The following HAVCR1 variants were observed in gnomAD, a reference collection of about 807,000 sequenced individuals.
HAVCR1 encodes the protein T cell immunoglobin domain and mucin domain protein 1.
A neutral mutation model predicts 32.0 loss-of-function variants in HAVCR1; 34 were observed. The observed-to-expected ratio is 1.06, with a 90% CI of 0.81 to 1.42. HAVCR1 has a LOEUF of 1.42. Ranked by LOEUF, HAVCR1 falls within the 40% of genes most tolerant of loss-of-function variation. HAVCR1 has a pLI of 0.00. For synonymous variants in HAVCR1, 178 were observed against 170.3 expected (o/e 1.05, Z -0.35); for missense variants, 420 against 442.3 (o/e 0.95, Z 0.45).
rs190477149 is a variant in HAVCR1, at chr5:157,049,664, C to T, written c.674-519G>A. The stretch of plus-strand genomic sequence containing the variant: ...GTTCAATTATCCACACATCTAATAA[C>T]TAACAGAGAATAGATACAATATTAA... On this transcript the variant is annotated intron_variant, in intron 4 of 8. Coordinates refer to ENST00000523175, the MANE Select transcript of HAVCR1 (RefSeq NM_001173393.3). 3.3e-4 allele frequency among the ~76,000 whole-genome samples: 51 copies of T among 152,300 alleles called. No individual in the cohort carries two copies. The East Asian group carries it at 9.4e-3, about 28-fold the overall frequency.
chr5:157,043,864 T>C (rs1755067123), intron 5 of HAVCR1, among the ~76,000 whole-genome samples: 1 of 152,234 alleles, frequency 6.6e-6, no homozygotes, highest in African/African-American at 2.4e-5. Flanking sequence ...CAAGAGCCTC[T>C]GCTGATAACC....
rs757901489 is a variant in HAVCR1 at position 157,052,416 on chromosome 5, T to C, written c.618A>G (p.Thr206=). The C allele has an allele frequency of 3.2e-5, 52 of 1,610,786 alleles. No individual in the cohort carries two copies. In the Admixed American group the frequency reaches 5.9e-4, roughly 18 times the overall value. ...IPTTTSVPVT[T]TVSTFVPPMP... is the part of the protein sequence containing the mutation. The stretch of plus-strand genomic sequence containing the variant: ...TTGGAGGAACAAAGGTAGAGACAGT[T>C]GTTGTCACTGGAACACTTGTTGTTG... Residue 206 remains threonine (T), a synonymous_variant, in exon 4 of 9, where the codon ACA becomes ACG. Coordinates refer to ENST00000523175, the MANE Select transcript of HAVCR1 (RefSeq NM_001173393.3).
rs1561590789 is a variant in HAVCR1, at chr5:157,044,579, GAAAGAAGGAAAGAAA to G, written c.782-1912_782-1898del. Among the ~76,000 whole-genome samples the G allele has an allele frequency of 2.1e-3, 155 of 73,768 alleles. 1 individual carries two copies. The highest frequency in any genetic ancestry group is 9.9e-3 in the African/African-American group (150 of 15,200). 48.4% of individuals were successfully genotyped at this position (73,768 alleles called of 152,430 possible). A position where few individuals can be genotyped will look rare whatever the true frequency, so the allele number is the denominator to read the frequency against. The stretch of plus-strand genomic sequence containing the variant: ...GGAAGGAGAGAGAAAGAAAGACAAA[GAAAGAAGGAAAGAAA>G]GAAAGAAAGAAAGAAAGAAAGAGAA... On this transcript the variant is annotated intron_variant, in intron 5 of 8. Coordinates refer to ENST00000523175, the MANE Select transcript of HAVCR1 (RefSeq NM_001173393.3).
At chr5:157,051,173 A>C (rs2113606464) in intron 4 of HAVCR1, among the ~76,000 whole-genome samples, 1 of 152,192 alleles carries the variant, frequency 6.6e-6, no homozygotes, top group East Asian at 1.9e-4. Context: ...GGGAATTTGA[A>C]GTATCAACTA....
intron 8 of HAVCR1, among the ~76,000 whole-genome samples, chr5:157,031,794 CAAAAAAAAAAA>C (rs57821791): frequency 9.4e-6 from 1 of 106,570 alleles, no homozygotes; most frequent in African/African-American, 3.7e-5. Context: ...CTGGGTGTCT[CAAAAAAAAAAA>C]AAAAAAAAAA....
chr5:157,049,192 G>A (rs758281198), intron 4 of HAVCR1, 47 bp from the exon 5 acceptor site: 1 of 1,141,950 alleles, frequency 8.8e-7, no homozygotes, highest in African/African-American at 1.5e-5. Flanking sequence ...GGAGGAAAAT[G>A]TGCACCCCAA....
intron 2 of HAVCR1, among the ~76,000 whole-genome samples, chr5:157,057,409 A>AAGAAAGAAAGAG (rs1756250733): frequency 1.7e-5 from 2 of 121,046 alleles, no homozygotes; most frequent in African/African-American, 5.8e-5. Flanking sequence ...GAAAGAAAGA[A>AAGAAAGAAAGAG]AGAAAGAAAG....
At chr5:157,049,272 C>T (rs1755604379) in intron 4 of HAVCR1, 127 bp from the exon 5 acceptor site, 1 of 693,428 alleles carries the variant, frequency 1.4e-6, no homozygotes, top group Non-Finnish European at 2.6e-6. Flanking sequence ...CCTGGCCTTC[C>T]ACAGTGGGCA....
chr5:157,036,167 AC>A (rs1779534804), intron 7 of HAVCR1, among the ~76,000 whole-genome samples: 1 of 152,014 alleles, frequency 6.6e-6, no homozygotes, highest in African/African-American at 2.4e-5. Flanking sequence ...ACATGGCAAA[AC>A]CCCGTCTCTA....
In HAVCR1 at chr5:157,055,482, G is replaced by A; in HGVS notation, c.98C>T (p.Thr33Ile). ...AGCTCCACTGTAGTGGCAGGGTAGT[G>A]TGACAGATGGACCTGCCTCTCCACC... The part of the protein sequence containing the change: ...KVGGEAGPSV[T>I]LPCHYSGAVT... Residue 33 changes from threonine to isoleucine, a missense_variant, in exon 3 of 9, where the codon ACA becomes ATA. Thr to Ile is a moderately conservative substitution (Grantham distance 89). Coordinates refer to ENST00000523175, the MANE Select transcript of HAVCR1 (RefSeq NM_001173393.3). 2 of 1,605,384 alleles carry A rather than the reference G, an allele frequency of 1.2e-6. No individual in the cohort carries two copies. The highest frequency in any genetic ancestry group is 8.5e-7 in the Non-Finnish European group (1 of 1,173,978).
intron 5 of HAVCR1, among the ~76,000 whole-genome samples, chr5:157,047,030 G>T (rs1399872344): frequency 6.6e-6 from 1 of 152,104 alleles, no homozygotes; most frequent in Non-Finnish European, 1.5e-5. Flanking sequence ...TCTGTGCATG[G>T]TTCCTGGCTC....
chr5:157,041,394 A>C (rs1402767373), intron 6 of HAVCR1, among the ~76,000 whole-genome samples: 1 of 152,062 alleles, frequency 6.6e-6, no homozygotes, highest in African/African-American at 2.4e-5. Flanking sequence ...GCTACTTGGA[A>C]GGCTGAGGCA....
At chr5:157,043,199 C>T (rs376417221) in intron 5 of HAVCR1, among the ~76,000 whole-genome samples, 6 of 152,098 alleles carry the variant, frequency 3.9e-5, no homozygotes, top group South Asian at 2.1e-4. Context: ...GTGTTGTTGC[C>T]GATGTGCTTA....
At chr5:157,068,103 C>A in the HAVCR1 span, among the ~76,000 whole-genome samples, 1 of 152,190 alleles carries the variant, frequency 6.6e-6, no homozygotes, top group East Asian at 1.9e-4. Context: ...GAAACCCCAA[C>A]TGTACTAAAA....
intron 5 of HAVCR1, among the ~76,000 whole-genome samples, chr5:157,042,924 T>C (rs1413525979): frequency 6.6e-6 from 1 of 152,218 alleles, no homozygotes; most frequent in Non-Finnish European, 1.5e-5. Context: ...TTTTTCTTTA[T>C]TAAAAAAATA....
rs1754617094 is a variant in HAVCR1 at position 157,037,657 on chromosome 5, A to G, written c.838-296T>C. 2.0e-5 allele frequency among the ~76,000 whole-genome samples: 3 copies of G among 152,210 alleles called. No individual in the cohort carries two copies. The South Asian group carries it at 6.2e-4, about 31-fold the overall frequency. ...AACTGTATGCTTAAAATGGGTTTGT[A>G]TGTAAATTTTTTAATTTACTGTTTT... On this transcript the variant is annotated intron_variant, in intron 6 of 8. Transcript: ENST00000523175.
intron 6 of HAVCR1, among the ~76,000 whole-genome samples, chr5:157,038,267 G>C (rs181067078): frequency 6.6e-6 from 1 of 152,264 alleles, no homozygotes; most frequent in Non-Finnish European, 1.5e-5. Context: ...TATCACAAGA[G>C]ATCATCACCT....
chr5:157,056,635 C>T (rs868712355), intron 2 of HAVCR1, among the ~76,000 whole-genome samples: 43 of 150,970 alleles, frequency 2.8e-4, no homozygotes, highest in African/African-American at 8.5e-4. Flanking sequence ...CCGCCTTGGC[C>T]TCCCAAAGTG....
At chr5:157,052,905 C>T (rs1405104793) in intron 3 of HAVCR1, among the ~76,000 whole-genome samples, 4 of 152,106 alleles carry the variant, frequency 2.6e-5, no homozygotes, top group Non-Finnish European at 5.9e-5. Context: ...GAACAGACGC[C>T]TCATATTTGC....
Sources: gnomAD v4.1 joint callset for allele counts (sites outside exome capture counted in the v4.1 genomes callset) on GRCh38, gnomAD v4.1.1 for gene constraint, MANE v1.5 for transcripts, NCBI Gene and HGNC (gene_info 2026-07-23, HGNC 2026-07-21) for gene names.